The following RABGEF1 variants were observed in gnomAD, a reference collection of about 807,000 sequenced individuals.
RABGEF1 encodes RAB guanine nucleotide exchange factor 1, also known as rab5 GDP/GTP exchange factor.
A neutral mutation model predicts 57.3 loss-of-function variants in RABGEF1; 26 were observed. That is an observed-to-expected ratio of 0.45 (90% confidence interval 0.33 to 0.63). The LOEUF (loss-of-function observed/expected upper bound fraction) is 0.63. Among genes scored for constraint, RABGEF1 ranks in the 20% least tolerant of loss-of-function variants. The pLI is 0.02. For missense variants in RABGEF1, 464 were observed against 607.6 expected, an observed-to-expected ratio of 0.76 and a Z score of 2.48; for synonymous variants, 185 against 210.7, an observed-to-expected ratio of 0.88 and a Z score of 1.06.
intron 1 of RABGEF1, among the ~76,000 whole-genome samples, chr7:66,748,215 G>T (rs1800675645): frequency 6.6e-6 from 1 of 152,196 alleles, no homozygotes; most frequent in Non-Finnish European, 1.5e-5. Flanking sequence ...GTGTAAGACG[G>T]TGACATAACA....
intron 2 of RABGEF1, among the ~76,000 whole-genome samples, chr7:66,728,273 G>T (rs950417089): frequency 1.3e-5 from 2 of 151,816 alleles, no homozygotes; most frequent in Admixed American, 6.6e-5. Context: ...AGCTAAGCTT[G>T]GGGGGGCCAC....
intron 7 of RABGEF1, among the ~76,000 whole-genome samples, chr7:66,803,242 T>A (rs1787703518): frequency 6.6e-6 from 1 of 152,220 alleles, no homozygotes; most frequent in Non-Finnish European, 1.5e-5. Flanking sequence ...CTAGCACATC[T>A]GTCCCCCACA....
At position 66,705,441 on chromosome 7, in the gene RABGEF1, G is replaced by GAAAGAC. The variant is rs1223677126; in HGVS notation, c.-872-6721_-872-6720insCAAAGA. ...AACAGAGCGAAACTCCATCTCGAAA[G>GAAAGAC]AAAGAGAGAGAGAGAGAGAGAGAGA... On this transcript the variant is annotated intron_variant and NMD_transcript_variant, in intron 1 of 9. Transcript: ENST00000607882. Among the ~76,000 whole-genome samples, 339 of 57,072 alleles carry GAAAGAC rather than the reference G, an allele frequency of 5.9e-3. 10 individuals are homozygous for GAAAGAC. The highest frequency in any genetic ancestry group is 0.028 in the East Asian group (40 of 1,434). The allele number at this position is 57,072 out of a possible 152,430, so 37.4% of individuals were successfully genotyped here. A position where few individuals can be genotyped will look rare whatever the true frequency, so the allele number is the denominator to read the frequency against.
At chr7:66,738,030 T>TTTTTTTTTTG (rs1562756395), upstream of RABGEF1, among the ~76,000 whole-genome samples, 12 of 146,874 alleles carry the variant, frequency 8.2e-5, no homozygotes, top group African/African-American at 2.3e-4. Flanking sequence ...TTTGTTTTTT[T>TTTTTTTTTTG]TTTTTTTTGA....
At chr7:66,774,131 AT>A in intron 2 of RABGEF1, among the ~76,000 whole-genome samples, 1 of 152,360 alleles carries the variant, frequency 6.6e-6, no homozygotes, top group South Asian at 2.1e-4. Context: ...CCTTGGTTTC[AT>A]TCTTGATTTC....
chr7:66,707,882 A>AT (rs1042936520), intron 1 of RABGEF1, among the ~76,000 whole-genome samples: 3 of 151,440 alleles, frequency 2.0e-5, no homozygotes, highest in Non-Finnish European at 4.4e-5. Flanking sequence ...CTCTAGTAAC[A>AT]TTTTTTTTGT....
intron 2 of RABGEF1, among the ~76,000 whole-genome samples, chr7:66,720,684 A>G (rs1358364350): frequency 1.3e-5 from 2 of 152,162 alleles, no homozygotes; most frequent in Middle Eastern, 3.2e-3. Context: ...GCATAGTACT[A>G]GAGGTTCAAG....
chr7:66,755,255 C>G (rs1357064869), intron 1 of RABGEF1, among the ~76,000 whole-genome samples: 1 of 151,896 alleles, frequency 6.6e-6, no homozygotes, highest in African/African-American at 2.4e-5. Flanking sequence ...GATTGCATCA[C>G]TGCACTCCAG....
At position 66,798,363 on chromosome 7, in the gene RABGEF1, G is replaced by C. The variant is rs1206393907; in HGVS notation, c.728+857G>C. ...GAGCTGATGAGGTGTTTTAAGGGGA[G>C]AAGGGACTCGGAGTCCCAGGTTCCA... On this transcript the variant is annotated intron_variant, in intron 6 of 8. Coordinates refer to ENST00000284957, the MANE Select transcript of RABGEF1 (RefSeq NM_014504.3). Among the ~76,000 whole-genome samples the C allele has an allele frequency of 5.9e-5, 9 of 152,152 alleles. No homozygotes were observed. In the East Asian group the frequency reaches 1.7e-3, roughly 29 times the overall value.
the RABGEF1 span, among the ~76,000 whole-genome samples, chr7:66,672,079 G>A: frequency 4.0e-5 from 6 of 151,824 alleles, no homozygotes; most frequent in African/African-American, 1.2e-4. Flanking sequence ...GACTCCCAAA[G>A]TGCTGGGATT....
intron 1 of RABGEF1, among the ~76,000 whole-genome samples, chr7:66,759,198 T>C (rs1452832788): frequency 6.6e-6 from 1 of 152,176 alleles, no homozygotes; most frequent in African/African-American, 2.4e-5. Context: ...TGCCCCCAGG[T>C]TTCGTAATTC....
chr7:66,752,734 G>C (rs1801729768), intron 1 of RABGEF1, among the ~76,000 whole-genome samples: 1 of 152,196 alleles, frequency 6.6e-6, no homozygotes, highest in South Asian at 2.1e-4. Flanking sequence ...AGAAACTCTG[G>C]GGTGGGACCC....
At chr7:66,795,460 G>T in intron 4 of RABGEF1, 51 bp from the exon 5 acceptor site, 2 of 1,460,974 alleles carry the variant, frequency 1.4e-6, no homozygotes, top group East Asian at 4.5e-5. Flanking sequence ...GTAGAGCTGT[G>T]CTTCTGCACT....
chr7:66,671,589 G>A, the RABGEF1 span, among the ~76,000 whole-genome samples: 1 of 152,112 alleles, frequency 6.6e-6, no homozygotes, highest in Admixed American at 6.6e-5. Context: ...TTTTGCCAAG[G>A]AAAGTCTTTT....
At chr7:66,794,064 C>T (rs1373505984) in intron 4 of RABGEF1, among the ~76,000 whole-genome samples, 1 of 152,164 alleles carries the variant, frequency 6.6e-6, no homozygotes, top group East Asian at 1.9e-4. Context: ...AATTACATAA[C>T]TGTTTTCATC....
At chr7:66,804,170 A>G (rs1787930244) in intron 7 of RABGEF1, among the ~76,000 whole-genome samples, 1 of 151,562 alleles carries the variant, frequency 6.6e-6, no homozygotes, top group African/African-American at 2.4e-5. Flanking sequence ...TGCAGCCTCA[A>G]CCTCTTGGGC....
chr7:66,726,024 T>A (rs1241065706), intron 2 of RABGEF1, among the ~76,000 whole-genome samples: 1 of 152,160 alleles, frequency 6.6e-6, no homozygotes, highest in Non-Finnish European at 1.5e-5. Flanking sequence ...GCCTGGGTCC[T>A]AAGGCACCTT....
intron 1 of RABGEF1, among the ~76,000 whole-genome samples, chr7:66,697,770 A>T (rs6947441): frequency 0.21 from 31,824 of 151,900 alleles, 3,848 homozygotes; most frequent in East Asian, 0.31. Flanking sequence ...CAGGGAGGGA[A>T]CATCACCCCA....
At chr7:66,686,408 GC>G (rs1790643757) in intron 1 of RABGEF1, among the ~76,000 whole-genome samples, 1 of 152,132 alleles carries the variant, frequency 6.6e-6, no homozygotes, top group Non-Finnish European at 1.5e-5. Context: ...GAAGTTCCAG[GC>G]TGCAGTGAGC....
Sources: allele counts gnomAD v4.1 joint callset (sites outside exome capture counted in the v4.1 genomes callset), GRCh38; gene constraint gnomAD v4.1.1; transcripts MANE v1.5; gene names NCBI Gene and HGNC (gene_info 2026-07-23, HGNC 2026-07-21).